TNFAIP8: variants seen among roughly 807,000 people sequenced by gnomAD.
The protein encoded by TNFAIP8 is tumor necrosis factor alpha-induced protein 8.
TNFAIP8 carries 7 observed loss-of-function variants against 13.3 expected under a neutral mutation model. The observed-to-expected ratio is 0.52, with a 90% CI of 0.30 to 0.99. TNFAIP8 has a LOEUF of 0.99. TNFAIP8 is among the 50% of genes least tolerant of loss of function. The probability of loss-of-function intolerance (pLI) is 0.07; values close to 1 mark genes in which losing one functional copy is unlikely to be tolerated. For synonymous variants in TNFAIP8, 94 were observed against 87.6 expected (o/e 1.07, Z -0.41); for missense variants, 258 against 236.9 (o/e 1.09, Z -0.58).
At chr5:119,387,108 C>T (rs761711152) in intron 1 of TNFAIP8, among the ~76,000 whole-genome samples, 8 of 152,118 alleles carry the variant, frequency 5.3e-5, no homozygotes, top group Non-Finnish European at 4.4e-5. Flanking sequence ...CTAGCTACTC[C>T]GAGCGTTCAT....
chr5:119,383,983 C>T (rs1351281361), intron 1 of TNFAIP8, among the ~76,000 whole-genome samples: 1 of 152,110 alleles, frequency 6.6e-6, no homozygotes, highest in African/African-American at 2.4e-5. Flanking sequence ...ATTAGATCTT[C>T]CTATACTAAA....
At chr5:119,313,935 G>A (rs1387970708) in intron 1 of TNFAIP8, among the ~76,000 whole-genome samples, 1 of 152,194 alleles carries the variant, frequency 6.6e-6, no homozygotes, top group African/African-American at 2.4e-5. Context: ...TTCATGTGTG[G>A]GTTTTGAGGT....
At chr5:119,377,169 A>G (rs1752315754) in intron 1 of TNFAIP8, among the ~76,000 whole-genome samples, 3 of 152,162 alleles carry the variant, frequency 2.0e-5, no homozygotes, top group Non-Finnish European at 4.4e-5. Context: ...TGGGAGGCCA[A>G]GACAGGAGGA....
rs542121149 is a variant in TNFAIP8, at chr5:119,322,391, A to G, written c.1+53484A>G. Reference sequence around the variant, plus strand: ...CCCTTTTCCAGCCTCTGAGCAGACCATGCTGGCTATGGCCAGGATCTCCTG... The same window carrying G: ...CCCTTTTCCAGCCTCTGAGCAGACCGTGCTGGCTATGGCCAGGATCTCCTG... On this transcript the variant is annotated intron_variant, in intron 1 of 1. Transcript: ENST00000274456. Among the ~76,000 whole-genome samples the G allele has an allele frequency of 4.6e-5, 7 of 152,180 alleles. No individual in the cohort carries two copies. The East Asian group carries it at 9.6e-4, about 21-fold the overall frequency.
rs1386438380 is a variant in TNFAIP8 at position 119,395,229 on chromosome 5, T to A, written c.*1848T>A. 1.3e-5 allele frequency: 2 copies of A among 152,242 alleles called. No homozygotes were observed. Among genetic ancestry groups the A allele is most frequent in the African/African-American group, 4.8e-5 (2 of 41,460 alleles). 9.4% of individuals were successfully genotyped at this position (152,242 alleles called of 1,614,324 possible). ...AACACAGTGACTACAGAAATGACCC[T>A]TCTAGCTTCATAACTTGCTAAGTGG... On this transcript the variant is annotated 3_prime_UTR_variant, in exon 2 of 2. Transcript: ENST00000504771.
chr5:119,372,044 G>C (rs895165997), intron 1 of TNFAIP8, among the ~76,000 whole-genome samples: 5 of 152,080 alleles, frequency 3.3e-5, no homozygotes, highest in Non-Finnish European at 5.9e-5. Context: ...GGCTGAGGCA[G>C]GAGAATGGCG....
At chr5:119,359,461 T>G (rs1354576188) in intron 1 of TNFAIP8, among the ~76,000 whole-genome samples, 1 of 152,086 alleles carries the variant, frequency 6.6e-6, no homozygotes, top group Non-Finnish European at 1.5e-5. Flanking sequence ...TCTGTTTTAT[T>G]CCCCGCTGTA....
chr5:119,384,493 A>G (rs1374614586), intron 1 of TNFAIP8, among the ~76,000 whole-genome samples: 1 of 152,174 alleles, frequency 6.6e-6, no homozygotes, highest in Non-Finnish European at 1.5e-5. Flanking sequence ...AAAAAAACAT[A>G]AAAAATAAAT....
intron 1 of TNFAIP8, among the ~76,000 whole-genome samples, chr5:119,343,149 C>G (rs1433399733): frequency 6.6e-6 from 1 of 152,114 alleles, no homozygotes; most frequent in African/African-American, 2.4e-5. Context: ...TGATAGGTGG[C>G]TAGTAAGGTT....
chr5:119,385,294 C>T (rs764685747), intron 1 of TNFAIP8, among the ~76,000 whole-genome samples: 3 of 152,324 alleles, frequency 2.0e-5, no homozygotes, highest in East Asian at 3.9e-4. Flanking sequence ...ATTGGCTTCA[C>T]GCCCTGCTGT....
chr5:119,321,202 G>A (rs543210812), intron 1 of TNFAIP8, among the ~76,000 whole-genome samples: 8 of 152,322 alleles, frequency 5.3e-5, no homozygotes, highest in East Asian at 1.9e-4. Context: ...GGGCAACACC[G>A]TGAGACTCCA....
chr5:119,369,293 A>T (rs1483425752), intron 1 of TNFAIP8, among the ~76,000 whole-genome samples: 1 of 152,026 alleles, frequency 6.6e-6, no homozygotes, highest in Non-Finnish European at 1.5e-5. Context: ...ACCTCAAGTG[A>T]TCCGCCTGCC....
rs397963876 is a variant in TNFAIP8, at chr5:119,394,611, A to ATTTTTTTTTTTTT, written c.*1237_*1249dup. ...CATTTCCATTGTCACTGTGTCTATG[A>ATTTTTTTTTTTTT]TTTTTTTTTTTTTTTTTTTGAGTCT... On this transcript the variant is annotated 3_prime_UTR_variant, in exon 2 of 2. Coordinates refer to ENST00000504771, the MANE Select transcript of TNFAIP8 (RefSeq NM_014350.4). 5.1e-4 allele frequency: 58 copies of ATTTTTTTTTTTTT among 114,682 alleles called. 2 individuals are homozygous for ATTTTTTTTTTTTT. Among genetic ancestry groups the ATTTTTTTTTTTTT allele is most frequent in the African/African-American group, 2.1e-3 (51 of 24,790 alleles). The allele number at this position is 114,682 out of a possible 1,614,324, so 7.1% of individuals were successfully genotyped here. A position where few individuals can be genotyped will look rare whatever the true frequency, so the allele number is the denominator to read the frequency against.
At chr5:119,272,953 C>G (rs1748334317) in intron 1 of TNFAIP8, among the ~76,000 whole-genome samples, 2 of 152,282 alleles carry the variant, frequency 1.3e-5, no homozygotes, top group African/African-American at 2.4e-5. Context: ...AGACTCCAGG[C>G]TAACTCGTAA....
chr5:119,373,243 C>T (rs185561247), intron 1 of TNFAIP8, among the ~76,000 whole-genome samples: 6 of 152,194 alleles, frequency 3.9e-5, no homozygotes, highest in Non-Finnish European at 8.8e-5. Context: ...TGTTAGTACA[C>T]CAAGAATGAC....
intron 1 of TNFAIP8, among the ~76,000 whole-genome samples, chr5:119,345,563 G>A (rs774704214): frequency 7.2e-5 from 11 of 152,218 alleles, no homozygotes; most frequent in Admixed American, 2.0e-4. Flanking sequence ...CTGCTACCAT[G>A]TGGATGAATC....
chr5:119,276,700 A>G (rs1469923042), intron 1 of TNFAIP8, among the ~76,000 whole-genome samples: 1 of 152,180 alleles, frequency 6.6e-6, no homozygotes, highest in Non-Finnish European at 1.5e-5. Context: ...CTCTTCATAG[A>G]GTGCCAGTCA....
rs57215520 is a variant in TNFAIP8 at position 119,376,562 on chromosome 5, A to ACC, written c.32-16247_32-16246dup. On this transcript the variant is annotated intron_variant, in intron 1 of 1. Transcript: ENST00000504771. ...AAAAATCAGTATTCATTGTCTTCCC[A>ACC]CCCCCCCCGTCTTTCTGCTCCCCCA... Among the ~76,000 whole-genome samples the ACC allele has an allele frequency of 7.0e-3, 902 of 129,316 alleles. 5 individuals are homozygous for ACC. The highest frequency in any genetic ancestry group is 0.019 in the African/African-American group (670 of 34,474). 84.8% of individuals were successfully genotyped at this position (129,316 alleles called of 152,430 possible). A position where few individuals can be genotyped will look rare whatever the true frequency, so the allele number is the denominator to read the frequency against.
At chr5:119,354,036 G>A (rs575175975), upstream of TNFAIP8, among the ~76,000 whole-genome samples, 1 of 152,350 alleles carries the variant, frequency 6.6e-6, no homozygotes, top group South Asian at 2.1e-4. Context: ...TATAGGGAGA[G>A]AGGGGCAGAA....
Sources: allele counts gnomAD v4.1 joint callset (sites outside exome capture counted in the v4.1 genomes callset), GRCh38; gene constraint gnomAD v4.1.1; transcripts MANE v1.5; gene names NCBI Gene and HGNC (gene_info 2026-07-23, HGNC 2026-07-21).